Variants in PCED1B observed in about 807,000 individuals in gnomAD.
The protein encoded by PCED1B is PC-esterase domain-containing protein 1B.
For missense variants in PCED1B, 573 were observed against 573.9 expected, an observed-to-expected ratio of 1.00 and a Z score of 0.02; for synonymous variants, 251 against 246.1, an observed-to-expected ratio of 1.02 and a Z score of -0.19.
Position 47,221,432 on chromosome 12 carries a change from C to T in PCED1B, c.-58+4743C>T, listed in dbSNP as rs1370585598. 6.7e-5 allele frequency among the ~76,000 whole-genome samples: 10 copies of T among 149,918 alleles called. 1 individual carries two copies. In the Admixed American group the frequency reaches 6.7e-4, roughly 10 times the overall value. On this transcript the variant is annotated intron_variant, in intron 3 of 3. Transcript: ENST00000546455. ...GGGCCAAGTGATCCTCCTGCCTAAG[C>T]TTCCCAGAGTGCTGGGATTACAGGT...
At chr12:47,181,374 T>TTA (rs1491439179) in intron 2 of PCED1B, among the ~76,000 whole-genome samples, 3 of 64,854 alleles carry the variant, frequency 4.6e-5, no homozygotes, top group African/African-American at 2.1e-4. Context: ...TCTTTCATTA[T>TTA]TTTTTTTTTT....
At chr12:47,187,423 A>G (rs1381287082) in intron 2 of PCED1B, among the ~76,000 whole-genome samples, 1 of 152,176 alleles carries the variant, frequency 6.6e-6, no homozygotes, top group East Asian at 1.9e-4. Context: ...CATCAAGGGG[A>G]TTATTAACTC....
intron 2 of PCED1B, among the ~76,000 whole-genome samples, chr12:47,171,065 C>CTTTTTTT (rs71437788): frequency 8.2e-6 from 1 of 121,346 alleles, no homozygotes; most frequent in Non-Finnish European, 1.7e-5. Flanking sequence ...GCCAGGTTAC[C>CTTTTTTT]TTTTTTTTTT....
chr12:47,222,177 T>C (rs1334780976), intron 3 of PCED1B, among the ~76,000 whole-genome samples: 1 of 148,840 alleles, frequency 6.7e-6, no homozygotes, highest in Non-Finnish European at 1.5e-5. Flanking sequence ...CCCAGCACTT[T>C]GGGAGGCCGA....
At chr12:47,148,124 A>C (rs1169903896) in intron 2 of PCED1B, among the ~76,000 whole-genome samples, 1 of 152,210 alleles carries the variant, frequency 6.6e-6, no homozygotes, top group Non-Finnish European at 1.5e-5. Flanking sequence ...AATGAGGGCA[A>C]GAGCAACAAA....
At chr12:47,119,158 A>C (rs1939564141) in intron 2 of PCED1B, among the ~76,000 whole-genome samples, 1 of 152,208 alleles carries the variant, frequency 6.6e-6, no homozygotes, top group African/African-American at 2.4e-5. Context: ...TTCAACAAAT[A>C]GTGCTGGGAC....
At chr12:47,150,504 G>A (rs561190167) in intron 2 of PCED1B, among the ~76,000 whole-genome samples, 11 of 152,030 alleles carry the variant, frequency 7.2e-5, no homozygotes, top group Non-Finnish European at 1.5e-4. Flanking sequence ...CTTGAACCCG[G>A]GAAGCAGAGG....
chr12:47,128,837 A>G (rs76422658), intron 2 of PCED1B, among the ~76,000 whole-genome samples: 17,127 of 152,186 alleles, frequency 0.11, 1,812 homozygotes, highest in African/African-American at 0.28. Context: ...CAAACCATGC[A>G]ATGGGGTTAG....
chr12:47,134,271 T>G lies in PCED1B; in HGVS notation c.-526+30076T>G, dbSNP rs61681413. Among the ~76,000 whole-genome samples the G allele has an allele frequency of 2.9e-3, 441 of 152,322 alleles. 3 individuals carry two copies. The highest frequency in any genetic ancestry group is 0.01 in the African/African-American group (424 of 41,580). On this transcript the variant is annotated intron_variant, in intron 2 of 3. Transcript: ENST00000546455. Reference sequence around the variant, plus strand: ...AAATTAGTACAGGAGATTTCAAAATTTACTTTGTAGATATAGTTGTGTGTT... The same window carrying G: ...AAATTAGTACAGGAGATTTCAAAATGTACTTTGTAGATATAGTTGTGTGTT...
chr12:47,096,428 A>G (rs1233523604), intron 1 of PCED1B, among the ~76,000 whole-genome samples: 1 of 150,336 alleles, frequency 6.7e-6, no homozygotes, highest in Non-Finnish European at 1.5e-5. Flanking sequence ...CACATTATAT[A>G]TTATATATTA....
At chr12:47,083,578 T>C (rs1937844277) in intron 1 of PCED1B, among the ~76,000 whole-genome samples, 1 of 152,174 alleles carries the variant, frequency 6.6e-6, no homozygotes, top group African/African-American at 2.4e-5. Flanking sequence ...TCCAGTTGGT[T>C]TTTGTAAATT....
chr12:47,184,804 A>T (rs1318409233), intron 2 of PCED1B, among the ~76,000 whole-genome samples: 1 of 152,166 alleles, frequency 6.6e-6, no homozygotes, highest in Non-Finnish European at 1.5e-5. Context: ...ATCTATGAAA[A>T]TTTTATTACC....
chr12:47,133,215 A>T (rs1216943060), intron 2 of PCED1B, among the ~76,000 whole-genome samples: 1 of 152,212 alleles, frequency 6.6e-6, no homozygotes, highest in Admixed American at 6.5e-5. Flanking sequence ...AAGCTAAATT[A>T]AAAGAGACAA....
chr12:47,185,466 T>C (rs1217429117), intron 2 of PCED1B, among the ~76,000 whole-genome samples: 1 of 152,210 alleles, frequency 6.6e-6, no homozygotes, highest in Non-Finnish European at 1.5e-5. Flanking sequence ...GTACCCATCC[T>C]AGGTTCTCCA....
At chr12:47,113,835 C>T (rs1200311222) in intron 2 of PCED1B, among the ~76,000 whole-genome samples, 1 of 151,984 alleles carries the variant, frequency 6.6e-6, no homozygotes, top group African/African-American at 2.4e-5. Flanking sequence ...CATGACGAAA[C>T]CCCGTCTCTA....
At chr12:47,113,984 A>ACG (rs2137274856) in intron 2 of PCED1B, among the ~76,000 whole-genome samples, 1 of 151,920 alleles carries the variant, frequency 6.6e-6, no homozygotes. Context: ...ACACACACAC[A>ACG]TAATTTATTT....
intron 1 of PCED1B, among the ~76,000 whole-genome samples, chr12:47,094,943 G>A (rs1018942191): frequency 7.9e-6 from 1 of 126,674 alleles, no homozygotes; most frequent in East Asian, 2.3e-4. Context: ...CTCACGTTTT[G>A]TCACACAAGC....
At chr12:47,192,019 C>G (rs1942456898) in intron 2 of PCED1B, among the ~76,000 whole-genome samples, 1 of 152,034 alleles carries the variant, frequency 6.6e-6, no homozygotes, top group African/African-American at 2.4e-5. Flanking sequence ...AATAGAACAC[C>G]AATTTAATTT....
intron 2 of PCED1B, among the ~76,000 whole-genome samples, chr12:47,205,295 A>T (rs1245517625): frequency 1.3e-5 from 2 of 152,198 alleles, no homozygotes; most frequent in East Asian, 3.9e-4. Context: ...TCCATGGAGT[A>T]CAGGGTCTAC....
Sources: allele counts gnomAD v4.1 joint callset (sites outside exome capture counted in the v4.1 genomes callset), GRCh38; gene constraint gnomAD v4.1.1; transcripts MANE v1.5; gene names NCBI Gene and HGNC (gene_info 2026-07-23, HGNC 2026-07-21).